NTN4: variants seen among roughly 807,000 people sequenced by gnomAD.
NTN4 encodes the protein netrin-4.
A neutral mutation model predicts 73.6 loss-of-function variants in NTN4; 32 were observed. That is an observed-to-expected ratio of 0.44 (90% CI 0.33 to 0.58). The LOEUF (loss-of-function observed/expected upper bound fraction) is 0.58. Among genes scored for constraint, NTN4 ranks in the 20% least tolerant of loss-of-function variants. The pLI, the probability that NTN4 is intolerant of heterozygous loss-of-function variation, is 0.04. For synonymous variants in NTN4, 258 were observed against 287.5 expected (o/e 0.90, Z 1.04); for missense variants, 654 against 798.3 (o/e 0.82, Z 2.18).
intron 5 of NTN4, among the ~76,000 whole-genome samples, chr12:95,705,710 T>C (rs1012846928): frequency 2.6e-5 from 4 of 152,160 alleles, no homozygotes; most frequent in Non-Finnish European, 4.4e-5. Context: ...CGTAACACAA[T>C]ACTTATTATA....
intron 1 of NTN4, among the ~76,000 whole-genome samples, chr12:95,787,866 C>T (rs1304937469): frequency 6.6e-6 from 1 of 152,148 alleles, no homozygotes; most frequent in Admixed American, 6.5e-5. Flanking sequence ...TTTTTGAAGT[C>T]ATGACTATTG....
Position 95,741,473 on chromosome 12 carries a change from A to C in NTN4, c.586-3329T>G, listed in dbSNP as rs539306911. On this transcript the variant is annotated intron_variant, in intron 2 of 9. Transcript: ENST00000343702. Reference sequence around the variant, plus strand: ...TATATATATATATATATATATATATATCTCCTCCATGCCAACCTGGAGGAT... The same window carrying C: ...TATATATATATATATATATATATATCTCTCCTCCATGCCAACCTGGAGGAT... 7.5e-4 allele frequency among the ~76,000 whole-genome samples: 74 copies of C among 98,788 alleles called. No homozygotes were observed. In the East Asian group the frequency reaches 0.014, roughly 19 times the overall value. 64.8% of individuals were successfully genotyped at this position (98,788 alleles called of 152,430 possible).
rs769189992 is a variant in NTN4, at chr12:95,683,668, G to A, written c.1224C>T (p.Asn408=). Residue 408 remains asparagine (N), a synonymous_variant, in exon 6 of 10, where the codon AAC becomes AAT. Transcript: ENST00000343702. ...TGCTGGGGTCGCAGAAGGTCACTGA[G>A]TTGGCAGGAAGGACAGCTGATCCTA... ...HPVGSAVLPA[N]SVTFCDPSNG... 3 of 1,613,616 alleles carry A rather than the reference G, an allele frequency of 1.9e-6. No individual in the cohort carries two copies. Among genetic ancestry groups the A allele is most frequent in the South Asian group, 1.1e-5 (1 of 90,972 alleles).
intron 2 of NTN4, among the ~76,000 whole-genome samples, chr12:95,748,476 CTTTT>C (rs762351453): frequency 5.7e-5 from 6 of 105,922 alleles, no homozygotes; most frequent in Admixed American, 9.4e-5. Flanking sequence ...ATTTTCTTTT[CTTTT>C]TTTTTTTTTT....
chr12:95,783,210 C>T (rs551804955), intron 2 of NTN4, among the ~76,000 whole-genome samples: 1 of 152,280 alleles, frequency 6.6e-6, no homozygotes, highest in African/African-American at 2.4e-5. Flanking sequence ...TCCCACGCTG[C>T]GCTCTGTGGA....
chr12:95,668,019 C>T (rs987692204), intron 8 of NTN4, among the ~76,000 whole-genome samples: 7 of 152,050 alleles, frequency 4.6e-5, no homozygotes, highest in Admixed American at 1.3e-4. Flanking sequence ...GTGTGGCTAA[C>T]GCTCAGTAAA....
intron 5 of NTN4, among the ~76,000 whole-genome samples, chr12:95,692,968 A>G (rs1008810119): frequency 6.6e-6 from 1 of 152,186 alleles, no homozygotes; most frequent in Non-Finnish European, 1.5e-5. Context: ...GTAAATATTT[A>G]GCAATGTATC....
At chr12:95,670,172 G>A (rs1172992129) in intron 7 of NTN4, 26 bp from the exon 8 acceptor site, 7 of 728,302 alleles carry the variant, frequency 9.6e-6, no homozygotes, top group Non-Finnish European at 1.4e-5. Flanking sequence ...TAAAAATGGT[G>A]TTAGTTATTA....
chr12:95,742,488 C>T (rs2078833911), intron 2 of NTN4, among the ~76,000 whole-genome samples: 1 of 152,086 alleles, frequency 6.6e-6, no homozygotes, highest in South Asian at 2.1e-4. Context: ...TCAAGGAATT[C>T]TTTGAGAATC....
Position 95,683,687 on chromosome 12 carries a change from G to A in NTN4, c.1205C>T (p.Ser402Leu). Residue 402 changes from serine to leucine, a missense_variant, in exon 6 of 10, where the codon TCA becomes TTA. Transcript: ENST00000343702. Reference protein sequence around the residue: ...CKPCSCHPVGSAVLPANSVTF... With the variant: ...CKPCSCHPVGLAVLPANSVTF... Reference sequence around the variant, plus strand: ...CACTGAGTTGGCAGGAAGGACAGCTGATCCTACTGGATGGCAGGAACACGC... The same window carrying A: ...CACTGAGTTGGCAGGAAGGACAGCTAATCCTACTGGATGGCAGGAACACGC... The A allele has an allele frequency of 6.2e-7, 1 of 1,610,618 alleles. No individual in the cohort carries two copies. The highest frequency in any genetic ancestry group is 1.1e-5 in the South Asian group (1 of 90,444).
intron 2 of NTN4, among the ~76,000 whole-genome samples, chr12:95,746,030 G>A (rs1487537084): frequency 6.6e-6 from 1 of 152,064 alleles, no homozygotes; most frequent in South Asian, 2.1e-4. Context: ...CCTGTTCTTA[G>A]TCTCTCCCTT....
intron 4 of NTN4, among the ~76,000 whole-genome samples, chr12:95,711,164 T>A (rs1417299500): frequency 6.6e-6 from 1 of 152,206 alleles, no homozygotes; most frequent in Non-Finnish European, 1.5e-5. Flanking sequence ...TACTACTTTT[T>A]TTTAAAAGGG....
Position 95,682,769 on chromosome 12 carries a change from T to C in NTN4, c.1448A>G (p.Asn483Ser), listed in dbSNP as rs369924746. Residue 483 changes from asparagine to serine, a missense_variant, in exon 7 of 10, where the codon AAT (asparagine) becomes AGT (serine). Physicochemically the swap from Asn to Ser is conservative, Grantham distance 46. Coordinates refer to ENST00000343702, the MANE Select transcript of NTN4 (RefSeq NM_021229.4). ...CCACTCCCAGGCTGGTTCGCTCTTA[T>C]TGTGCACGGGACGGAAGTCAGGAAC... ...HEVPDFRPVH[N>S]KSEPAWEWED... 3.1e-6 allele frequency: 5 copies of C among 1,613,780 alleles called. No homozygotes were observed. The highest frequency in any genetic ancestry group is 2.7e-5 in the African/African-American group (2 of 74,910).
chr12:95,744,833 CTTT>C (rs59086846), intron 2 of NTN4, among the ~76,000 whole-genome samples: 1,832 of 118,240 alleles, frequency 0.015, 17 homozygotes, highest in Middle Eastern at 0.11. Context: ...TGGTGAAAAA[CTTT>C]TTTTTTTTTT....
intron 5 of NTN4, among the ~76,000 whole-genome samples, chr12:95,702,581 G>A (rs999022409): frequency 1.3e-5 from 2 of 152,126 alleles, no homozygotes; most frequent in African/African-American, 4.8e-5. Flanking sequence ...ATAGTGACCA[G>A]AAAATAGTAT....
At chr12:95,726,786 A>C (rs886844943) in intron 3 of NTN4, among the ~76,000 whole-genome samples, 2 of 152,084 alleles carry the variant, frequency 1.3e-5, no homozygotes, top group Non-Finnish European at 2.9e-5. Context: ...AGCCTTCAAC[A>C]TGGTGAAACC....
rs373843013 is a variant in NTN4, at chr12:95,683,729, C to T, written c.1181-18G>A. 432 of 1,572,814 alleles carry T rather than the reference C, an allele frequency of 2.7e-4. No individual in the cohort carries two copies. The highest frequency in any genetic ancestry group is 9.5e-4 in the African/African-American group (70 of 73,966). Reference sequence around the variant, plus strand: ...GGAACACGCTACAACAGAGAGGACACGCAAGGATCAAAGACTGACTGTAGA... The same window carrying T: ...GGAACACGCTACAACAGAGAGGACATGCAAGGATCAAAGACTGACTGTAGA... On this transcript the variant is annotated intron_variant, in intron 5 of 9. Transcript: ENST00000343702.
At chr12:95,669,595 A>G (rs1592652756) in intron 8 of NTN4, among the ~76,000 whole-genome samples, 1 of 65,922 alleles carries the variant, frequency 1.5e-5, no homozygotes, top group South Asian at 6.6e-4. Flanking sequence ...GGAGAGGTTA[A>G]GTCTCCCACC....
chr12:95,747,876 A>G (rs1592701115), intron 2 of NTN4, among the ~76,000 whole-genome samples: 1 of 152,102 alleles, frequency 6.6e-6, no homozygotes, highest in East Asian at 1.9e-4. Context: ...AAATATCTTA[A>G]TTTTTATGGT....
Sources: allele counts gnomAD v4.1 joint callset (sites outside exome capture counted in the v4.1 genomes callset), GRCh38; gene constraint gnomAD v4.1.1; transcripts MANE v1.5; gene names NCBI Gene and HGNC (gene_info 2026-07-23, HGNC 2026-07-21).